Variants in MIA2 observed in about 807,000 individuals in gnomAD.
MIA2 encodes the protein melanoma inhibitory activity protein 2.
MIA2 carries 127 observed loss-of-function variants against 167.8 expected under a neutral mutation model. That is an observed-to-expected ratio of 0.76 (90% CI 0.66 to 0.88). The LOEUF is 0.88. Ranked by LOEUF, MIA2 falls within the 40% of genes least tolerant of loss-of-function variation. The probability of loss-of-function intolerance (pLI) is 0.00; values close to 1 mark genes in which losing one functional copy is unlikely to be tolerated. For synonymous variants in MIA2, 552 were observed against 541.9 expected, an observed-to-expected ratio of 1.02 and a Z score of -0.26; for missense variants, 1,690 against 1,624.7, an observed-to-expected ratio of 1.04 and a Z score of -0.69.
At chr14:39,316,561 T>C (rs1324309342) in intron 21 of MIA2, among the ~76,000 whole-genome samples, 1 of 152,212 alleles carries the variant, frequency 6.6e-6, no homozygotes, top group Non-Finnish European at 1.5e-5. Flanking sequence ...ACTGTTGTTA[T>C]TGTTGTAGTG....
intron 23 of MIA2, among the ~76,000 whole-genome samples, chr14:39,381,392 T>C (rs979083410): frequency 6.6e-6 from 1 of 152,224 alleles, no homozygotes; most frequent in Non-Finnish European, 1.5e-5. Flanking sequence ...CTTTCAACCA[T>C]CAAACTGTTT....
intron 12 of MIA2, among the ~76,000 whole-genome samples, chr14:39,294,455 C>T (rs2061145028): frequency 6.6e-6 from 1 of 152,004 alleles, no homozygotes; most frequent in Non-Finnish European, 1.5e-5. Context: ...ACCTCGGCCT[C>T]CCAAAGTGCT....
At chr14:39,250,875 GA>G (rs1490095808) in intron 4 of MIA2, among the ~76,000 whole-genome samples, 2 of 151,326 alleles carry the variant, frequency 1.3e-5, no homozygotes, top group Admixed American at 6.6e-5. Flanking sequence ...TTAAATTTCA[GA>G]AAAAAAGACG....
chr14:39,277,681 TA>T (rs1444164757), intron 7 of MIA2, among the ~76,000 whole-genome samples: 2 of 9,520 alleles, frequency 2.1e-4, no homozygotes, highest in African/African-American at 1.9e-3. Flanking sequence ...TTTATATATA[TA>T]TATATGTGTG....
Position 39,293,348 on chromosome 14 carries a change from A to G in MIA2, c.2286A>G (p.Glu762=). ...TCTGTCTAGAAAAAGAGTTAAAAGA[A>G]GAGAAATCCAAACATTCTGAACAAG... ...EILCLEKELK[E]EKSKHSEQDE... The change falls in exon 11 of 29, where the codon GAA becomes GAG. Residue 762 remains glutamate, a synonymous_variant. Coordinates refer to ENST00000640607, the MANE Select transcript of MIA2 (RefSeq NM_001329214.4). The G allele has an allele frequency of 6.2e-7, 1 of 1,607,534 alleles. No individual in the cohort carries two copies. Among genetic ancestry groups the G allele is most frequent in the African/African-American group, 1.3e-5 (1 of 74,842 alleles).
intron 9 of MIA2, among the ~76,000 whole-genome samples, chr14:39,280,208 C>T (rs1452211907): frequency 2.6e-5 from 4 of 151,712 alleles, no homozygotes; most frequent in African/African-American, 7.3e-5. Flanking sequence ...TTTTGTTGGG[C>T]TTTTTGTTTG....
In MIA2 at chr14:39,279,468, T is replaced by C; in HGVS notation, c.2061T>C (p.Ala687=). 1 of 1,608,888 alleles carries C rather than the reference T, an allele frequency of 6.2e-7. No homozygotes were observed. Among genetic ancestry groups the C allele is most frequent in the Non-Finnish European group, 8.5e-7 (1 of 1,179,020 alleles). ...RLYVGREKKL[A]LMLSGLIEEK... ...TTTTAGGACGAGAGAAAAAGCTTGC[T>C]CTAATGCTTTCTGGACTAATTGAAG... Residue 687 remains alanine, a synonymous_variant, in exon 9 of 29, where the codon GCT becomes GCC. Transcript: ENST00000640607.
chr14:39,270,355 C>T (rs1163836565), intron 6 of MIA2, among the ~76,000 whole-genome samples: 1 of 151,944 alleles, frequency 6.6e-6, no homozygotes, highest in Admixed American at 6.6e-5. Context: ...GCACTAACCA[C>T]CACACCTGGC....
At chr14:39,277,752 A>T (rs1164218171) in intron 7 of MIA2, among the ~76,000 whole-genome samples, 1 of 17,414 alleles carries the variant, frequency 5.7e-5, no homozygotes, top group Admixed American at 8.1e-4. Context: ...ATGTGTGTAT[A>T]TATATATATA....
chr14:39,302,013 CTT>C, intron 14 of MIA2, 114 bp from the exon 15 acceptor site: 1 of 1,155,190 alleles, frequency 8.7e-7, no homozygotes, highest in East Asian at 2.5e-5. Flanking sequence ...AATAAGAGCT[CTT>C]GTGTTGTTAT....
At chr14:39,294,173 G>T in intron 12 of MIA2, 102 bp downstream of exon 12, 1 of 770,908 alleles carries the variant, frequency 1.3e-6, no homozygotes, top group Admixed American at 2.6e-5. Context: ...TTGAGATATA[G>T]GGGATCCCAG....
chr14:39,377,080 T>A (rs1046680095), intron 23 of MIA2, among the ~76,000 whole-genome samples: 9 of 152,162 alleles, frequency 5.9e-5, no homozygotes, highest in African/African-American at 2.2e-4. Flanking sequence ...GATAAAGCAT[T>A]TTAGAAGAAA....
At chr14:39,246,854 A>G in intron 3 of MIA2, 57 bp from the exon 4 acceptor site, 1 of 970,784 alleles carries the variant, frequency 1.0e-6, no homozygotes, top group Non-Finnish European at 1.5e-6. Context: ...TGACTCAGGG[A>G]GAAACAAGGA....
At chr14:39,347,818 CTTTTTTTTTTT>C (rs59832680) in intron 27 of MIA2, 47 bp downstream of exon 27, 71 of 706,374 alleles carry the variant, frequency 1.0e-4, no homozygotes, top group African/African-American at 6.3e-4. Context: ...CAGAAGCCTT[CTTTTTTTTTTT>C]TTTTTTTTTT....
chr14:39,298,542 T>TTTG (rs2061854555), intron 13 of MIA2, among the ~76,000 whole-genome samples: 3 of 97,006 alleles, frequency 3.1e-5, no homozygotes, highest in East Asian at 3.0e-4. Flanking sequence ...TTTTTTTTTT[T>TTTG]TTTTTTTTTT....
chr14:39,355,376 T>A (rs2074495247), downstream of MIA2, among the ~76,000 whole-genome samples: 2 of 152,226 alleles, frequency 1.3e-5, no homozygotes, highest in African/African-American at 4.8e-5. Flanking sequence ...TGTATAAGAA[T>A]GCTTGTGATT....
rs758603504 is a variant in MIA2 at position 39,247,357 on chromosome 14, G to A, written c.783G>A (p.Glu261=). 1 of 1,614,098 alleles carries A rather than the reference G, an allele frequency of 6.2e-7. No individual in the cohort carries two copies. The highest frequency in any genetic ancestry group is 1.1e-5 in the South Asian group (1 of 91,070). The stretch of plus-strand genomic sequence containing the variant: ...GTAGAAAAATAGCAGTGGAAGATGA[G>A]AATGACCTAGAGGAATTAAATAATG... ...FRSRKIAVED[E]NDLEELNNGE... is the part of the protein sequence containing the mutation. Residue 261 remains glutamate, a synonymous_variant, in exon 4 of 29, where the codon GAG becomes GAA. Transcript: ENST00000640607.
At chr14:39,360,361 A>G (rs1209920947) in intron 23 of MIA2, among the ~76,000 whole-genome samples, 2 of 152,018 alleles carry the variant, frequency 1.3e-5, no homozygotes, top group Non-Finnish European at 2.9e-5. Context: ...CATTTCTTTG[A>G]TGATTAGTGA....
chr14:39,299,068 T>TTAAA (rs2061958508), intron 13 of MIA2, among the ~76,000 whole-genome samples: 8 of 44,002 alleles, frequency 1.8e-4, no homozygotes, highest in African/African-American at 6.6e-4. Context: ...TCCCTGCCTC[T>TTAAA]AAAAAAAAAA....
Sources: gnomAD v4.1 joint callset for allele counts (sites outside exome capture counted in the v4.1 genomes callset) on GRCh38, gnomAD v4.1.1 for gene constraint, MANE v1.5 for transcripts, NCBI Gene and HGNC (gene_info 2026-07-23, HGNC 2026-07-21) for gene names.